CTNNA3: variants seen among roughly 807,000 people sequenced by gnomAD.
The protein encoded by CTNNA3 is catenin alpha 3, also known as catenin alpha-3.
Under a neutral mutation model 95.7 loss-of-function variants are expected in CTNNA3, and 76 were observed. The observed-to-expected ratio is 0.79, with a 90% CI of 0.66 to 0.96. The LOEUF is 0.96. CTNNA3 is among the 40% of genes least tolerant of loss of function. The pLI is 0.00. For missense variants in CTNNA3, 1,191 were observed against 1,089.8 expected, an observed-to-expected ratio of 1.09 and a Z score of -1.31; for synonymous variants, 431 against 374.4, an observed-to-expected ratio of 1.15 and a Z score of -1.74.
Position 65,912,640 on chromosome 10 carries a change from C to G in CTNNA3, c.*7690G>C, listed in dbSNP as rs1158545001. On this transcript the variant is annotated 3_prime_UTR_variant, in exon 18 of 18. Coordinates refer to ENST00000433211, the MANE Select transcript of CTNNA3 (RefSeq NM_013266.4). ...GAAATTAGAATAAAGTAAAATAATA[C>G]TATATAACCAAAACAAACCCAGTGT... The G allele has an allele frequency of 6.6e-6, 1 of 151,958 alleles. No homozygotes were observed. Among genetic ancestry groups the G allele is most frequent in the Non-Finnish European group, 1.5e-5 (1 of 68,002 alleles). 9.4% of individuals were successfully genotyped at this position (151,958 alleles called of 1,614,324 possible).
In CTNNA3 at chr10:65,962,812, T is replaced by A. The variant is rs371073538; in HGVS notation, c.2400+3800A>T. 2.7e-5 allele frequency among the ~76,000 whole-genome samples: 4 copies of A among 148,720 alleles called. No individual in the cohort carries two copies. In the East Asian group the frequency reaches 6.3e-4, roughly 23 times the overall value. ...ACGAGTGAGAACATGTGGTGTTCGG[T>A]TTTCTGTTCTTGTGTTAGTTTGCTG... On this transcript the variant is annotated intron_variant, in intron 17 of 17. Coordinates refer to ENST00000433211, the MANE Select transcript of CTNNA3 (RefSeq NM_013266.4).
chr10:66,541,197 G>C (rs984951829), intron 10 of CTNNA3, among the ~76,000 whole-genome samples: 3 of 152,008 alleles, frequency 2.0e-5, no homozygotes, highest in Non-Finnish European at 4.4e-5. Context: ...TATAGGTGTG[G>C]CTTCAATTAT....
intron 1 of CTNNA3, among the ~76,000 whole-genome samples, chr10:67,726,733 A>ATATAAATATAAT (rs1841231933): frequency 2.7e-3 from 5 of 1,866 alleles, no homozygotes; most frequent in Non-Finnish European, 5.8e-3. Flanking sequence ...CATAATATAC[A>ATATAAATATAAT]ATATATTATA....
intron 5 of CTNNA3, among the ~76,000 whole-genome samples, chr10:67,301,496 C>A (rs1389328183): frequency 6.6e-6 from 1 of 152,158 alleles, no homozygotes; most frequent in Non-Finnish European, 1.5e-5. Context: ...AATCCCACTA[C>A]TGGGTATGTA....
intron 9 of CTNNA3, among the ~76,000 whole-genome samples, chr10:66,628,394 G>A (rs936235239): frequency 2.6e-5 from 4 of 151,972 alleles, no homozygotes; most frequent in African/African-American, 7.2e-5. Context: ...TATTGCTTTA[G>A]GTTATGGGGG....
intron 17 of CTNNA3, among the ~76,000 whole-genome samples, chr10:65,923,024 T>A (rs910761299): frequency 3.9e-5 from 6 of 152,088 alleles, no homozygotes; most frequent in Non-Finnish European, 1.5e-5. Context: ...GGAAACTGCC[T>A]CCATGATCCA....
intron 13 of CTNNA3, among the ~76,000 whole-genome samples, chr10:66,175,659 C>G (rs1235873759): frequency 6.6e-6 from 1 of 152,174 alleles, no homozygotes; most frequent in African/African-American, 2.4e-5. Context: ...GCTTAACTCA[C>G]CAGTCACAAT....
intron 3 of CTNNA3, among the ~76,000 whole-genome samples, chr10:67,578,805 C>T (rs1331813293): frequency 1.3e-5 from 2 of 151,060 alleles, no homozygotes; most frequent in African/African-American, 2.4e-5. Flanking sequence ...AGGGAGATTC[C>T]TTCTATGCCC....
intron 13 of CTNNA3, among the ~76,000 whole-genome samples, chr10:66,113,869 G>A (rs979254957): frequency 2.0e-5 from 3 of 151,968 alleles, no homozygotes; most frequent in African/African-American, 7.3e-5. Context: ...GGTTCTTCAC[G>A]CACAGCAATT....
intron 7 of CTNNA3, among the ~76,000 whole-genome samples, chr10:66,884,412 A>G (rs1844963269): frequency 6.6e-6 from 1 of 152,152 alleles, no homozygotes; most frequent in African/African-American, 2.4e-5. Flanking sequence ...TTTCAAGCCT[A>G]GGTGATAAAA....
At chr10:66,600,220 T>C (rs933168565) in intron 10 of CTNNA3, among the ~76,000 whole-genome samples, 1 of 151,832 alleles carries the variant, frequency 6.6e-6, no homozygotes, top group Non-Finnish European at 1.5e-5. Context: ...TTCATGATAG[T>C]AAATTATTTA....
intron 3 of CTNNA3, among the ~76,000 whole-genome samples, chr10:67,575,061 A>G (rs984333796): frequency 2.0e-5 from 3 of 152,148 alleles, no homozygotes; most frequent in Non-Finnish European, 4.4e-5. Flanking sequence ...CCAAGGACCC[A>G]ATGTCACAAC....
intron 7 of CTNNA3, among the ~76,000 whole-genome samples, chr10:66,805,379 A>G (rs2132246387): frequency 6.6e-6 from 1 of 151,922 alleles, no homozygotes; most frequent in African/African-American, 2.4e-5. Context: ...CTTTAAAAAA[A>G]AAAGAAAAAG....
At chr10:66,405,419 T>C (rs974494039) in intron 11 of CTNNA3, among the ~76,000 whole-genome samples, 1 of 152,194 alleles carries the variant, frequency 6.6e-6, no homozygotes, top group Non-Finnish European at 1.5e-5. Context: ...ATATGTCGAA[T>C]AGAGTGCTAA....
At chr10:67,400,142 T>G (rs1844865945) in intron 5 of CTNNA3, among the ~76,000 whole-genome samples, 1 of 141,566 alleles carries the variant, frequency 7.1e-6, no homozygotes, top group Admixed American at 7.5e-5. Flanking sequence ...CATTGTTCAA[T>G]TTAATTACAA....
At chr10:66,135,202 G>A (rs968288083) in intron 13 of CTNNA3, among the ~76,000 whole-genome samples, 4 of 152,098 alleles carry the variant, frequency 2.6e-5, no homozygotes, top group African/African-American at 9.7e-5. Flanking sequence ...ATAACACCGA[G>A]GTTTTGATGA....
chr10:66,938,136 A>G (rs539445863), intron 7 of CTNNA3, among the ~76,000 whole-genome samples: 1 of 152,188 alleles, frequency 6.6e-6, no homozygotes, highest in Non-Finnish European at 1.5e-5. Flanking sequence ...AATTGTATCA[A>G]CCTTATATTT....
intron 1 of CTNNA3, among the ~76,000 whole-genome samples, chr10:67,667,855 C>T (rs1424487392): frequency 2.6e-5 from 4 of 152,110 alleles, no homozygotes; most frequent in African/African-American, 7.2e-5. Flanking sequence ...GATACATTCG[C>T]TGTAATATAA....
chr10:66,633,560 G>A (rs887250022), intron 9 of CTNNA3, among the ~76,000 whole-genome samples: 1 of 151,952 alleles, frequency 6.6e-6, no homozygotes, highest in Non-Finnish European at 1.5e-5. Context: ...GGCACTTGTA[G>A]TCCCAGCTAC....
Sources: gnomAD v4.1 joint callset for allele counts (sites outside exome capture counted in the v4.1 genomes callset) on GRCh38, gnomAD v4.1.1 for gene constraint, MANE v1.5 for transcripts, NCBI Gene and HGNC (gene_info 2026-07-23, HGNC 2026-07-21) for gene names.